The following RGS7BP variants were observed in gnomAD, a reference collection of about 807,000 sequenced individuals.
RGS7BP encodes regulator of G protein signaling 7-binding protein.
In RGS7BP, 9 loss-of-function variants were observed where a neutral mutation model predicts 31.3. That is an observed-to-expected ratio of 0.29 (90% CI 0.17 to 0.50). RGS7BP has a LOEUF of 0.50. RGS7BP is among the 20% of genes least tolerant of loss of function. The pLI is 0.98. For missense variants in RGS7BP, 274 were observed against 322.0 expected (o/e 0.85, Z 1.14); for synonymous variants, 115 against 120.1 (o/e 0.96, Z 0.28).
rs113048478 is a variant in RGS7BP at position 64,606,408 on chromosome 5, G to A, written c.683-2753G>A. Among the ~76,000 whole-genome samples, 914 of 152,050 alleles carry A rather than the reference G, an allele frequency of 6.0e-3. 8 individuals are homozygous for A. Among genetic ancestry groups the A allele is most frequent in the African/African-American group, 0.021 (861 of 41,492 alleles). Reference sequence around the variant, plus strand: ...ATTAGATGTCTTTGGGGAAAGGGAAGGAGATACCAGAATTTAGAAAATAGA... The same window carrying A: ...ATTAGATGTCTTTGGGGAAAGGGAAAGAGATACCAGAATTTAGAAAATAGA... On this transcript the variant is annotated intron_variant, in intron 5 of 5. Coordinates refer to ENST00000334025, the MANE Select transcript of RGS7BP (RefSeq NM_001029875.3).
At chr5:64,538,423 T>C (rs1410134324) in intron 2 of RGS7BP, among the ~76,000 whole-genome samples, 5 of 152,006 alleles carry the variant, frequency 3.3e-5, no homozygotes, top group African/African-American at 1.2e-4. Context: ...ATTTTGTCTT[T>C]GTTTTGCCTT....
At chr5:64,538,330 A>G (rs912933920) in intron 2 of RGS7BP, among the ~76,000 whole-genome samples, 1 of 151,946 alleles carries the variant, frequency 6.6e-6, no homozygotes, top group South Asian at 2.1e-4. Context: ...CCCCCAAAAC[A>G]TTCTCTCATG....
intron 2 of RGS7BP, among the ~76,000 whole-genome samples, chr5:64,541,223 G>A (rs190742177): frequency 7.9e-5 from 12 of 152,180 alleles, no homozygotes; most frequent in Non-Finnish European, 1.5e-5. Context: ...GAGGGGAGGG[G>A]GAGGTCCCAG....
At chr5:64,578,150 C>T (rs996642274) in intron 3 of RGS7BP, among the ~76,000 whole-genome samples, 1 of 152,236 alleles carries the variant, frequency 6.6e-6, no homozygotes, top group Admixed American at 6.5e-5. Context: ...AATGCAGTCA[C>T]CTCTTAACTG....
At chr5:64,596,342 C>G (rs1743067330) in intron 4 of RGS7BP, among the ~76,000 whole-genome samples, 1 of 152,144 alleles carries the variant, frequency 6.6e-6, no homozygotes, top group South Asian at 2.1e-4. Context: ...GGGTCTCAAA[C>G]TGGACTGCAC....
intron 3 of RGS7BP, among the ~76,000 whole-genome samples, chr5:64,583,360 G>A (rs1363330643): frequency 6.6e-6 from 1 of 152,126 alleles, no homozygotes; most frequent in African/African-American, 2.4e-5. Context: ...CTGCACTCCA[G>A]CCTGGGCGAC....
chr5:64,609,946 C>A lies in RGS7BP; in HGVS notation c.*694C>A, dbSNP rs1347076559. 2 of 152,362 alleles carry A rather than the reference C, an allele frequency of 1.3e-5. No individual in the cohort carries two copies. The highest frequency in any genetic ancestry group is 4.8e-5 in the African/African-American group (2 of 41,406). The allele number at this position is 152,362 out of a possible 1,614,324, so 9.4% of individuals were successfully genotyped here. ...ACAAATGCATATGGGCAACTAATTT[C>A]TTTTTGATCCAATGATGTCTTTTTC... On this transcript the variant is annotated 3_prime_UTR_variant, in exon 6 of 6. Coordinates refer to ENST00000334025, the MANE Select transcript of RGS7BP (RefSeq NM_001029875.3).
At position 64,609,861 on chromosome 5, in the gene RGS7BP, A is replaced by G. The variant is rs1291001452; in HGVS notation, c.*609A>G. Reference sequence around the variant, plus strand: ...AAGTATCTTAATTTATAAAGCAACAAAAACCACATATGAAAAGTACTAAAA... The same window carrying G: ...AAGTATCTTAATTTATAAAGCAACAGAAACCACATATGAAAAGTACTAAAA... On this transcript the variant is annotated 3_prime_UTR_variant, in exon 6 of 6. Coordinates refer to ENST00000334025, the MANE Select transcript of RGS7BP (RefSeq NM_001029875.3). 15 of 152,610 alleles carry G rather than the reference A, an allele frequency of 9.8e-5. No homozygotes were observed. The highest frequency in any genetic ancestry group is 2.2e-4 in the Non-Finnish European group (15 of 67,980). 9.5% of individuals were successfully genotyped at this position (152,610 alleles called of 1,614,324 possible).
At chr5:64,550,805 C>T (rs1741776326) in intron 2 of RGS7BP, among the ~76,000 whole-genome samples, 1 of 147,240 alleles carries the variant, frequency 6.8e-6, no homozygotes, top group Non-Finnish European at 1.5e-5. Context: ...TGTTCAATTC[C>T]CATCTATGAG....
chr5:64,558,908 T>C (rs1741987537), intron 2 of RGS7BP, among the ~76,000 whole-genome samples: 1 of 152,146 alleles, frequency 6.6e-6, no homozygotes, highest in Non-Finnish European at 1.5e-5. Flanking sequence ...CTTGCTAGGA[T>C]TAGGAAATTC....
intron 2 of RGS7BP, among the ~76,000 whole-genome samples, chr5:64,557,831 G>T (rs765000569): frequency 3.9e-5 from 6 of 152,122 alleles, no homozygotes; most frequent in Non-Finnish European, 7.4e-5. Context: ...GGGTGTTGCT[G>T]CCTTTTCTTT....
intron 3 of RGS7BP, among the ~76,000 whole-genome samples, chr5:64,580,356 T>A (rs995211703): frequency 1.3e-5 from 2 of 151,838 alleles, no homozygotes; most frequent in Admixed American, 6.6e-5. Flanking sequence ...AAATAAGAAA[T>A]GGGGAAGGAA....
At chr5:64,571,585 T>C (rs1742301879) in intron 2 of RGS7BP, among the ~76,000 whole-genome samples, 1 of 152,158 alleles carries the variant, frequency 6.6e-6, no homozygotes, top group Non-Finnish European at 1.5e-5. Context: ...ACATTGGGCA[T>C]TATGAGTCTT....
chr5:64,583,826 C>A (rs1157193748), intron 3 of RGS7BP, among the ~76,000 whole-genome samples: 4 of 152,226 alleles, frequency 2.6e-5, no homozygotes, highest in African/African-American at 7.2e-5. Flanking sequence ...ATCTCCATGT[C>A]TTCATATACC....
intron 2 of RGS7BP, among the ~76,000 whole-genome samples, chr5:64,559,773 G>A (rs116072928): frequency 1.5e-4 from 23 of 152,208 alleles, no homozygotes; most frequent in Non-Finnish European, 2.9e-4. Flanking sequence ...CCTTCCAATA[G>A]TTACATTTTA....
intron 3 of RGS7BP, among the ~76,000 whole-genome samples, chr5:64,583,012 T>C (rs1308744859): frequency 6.6e-6 from 1 of 152,152 alleles, no homozygotes; most frequent in Non-Finnish European, 1.5e-5. Context: ...AGTGGAAACA[T>C]GCATTCATTC....
intron 2 of RGS7BP, among the ~76,000 whole-genome samples, chr5:64,520,811 G>A (rs966494058): frequency 2.6e-5 from 4 of 152,202 alleles, no homozygotes; most frequent in Non-Finnish European, 5.9e-5. Context: ...GGGAATGGTA[G>A]GAAGTGCTGG....
intron 5 of RGS7BP, among the ~76,000 whole-genome samples, chr5:64,602,992 T>C (rs1327174683): frequency 2.0e-5 from 3 of 152,116 alleles, no homozygotes; most frequent in Non-Finnish European, 4.4e-5. Context: ...TAGGAGGGGA[T>C]TTTGATAACT....
intron 2 of RGS7BP, among the ~76,000 whole-genome samples, chr5:64,560,350 A>G (rs961878616): frequency 2.5e-4 from 38 of 152,064 alleles, no homozygotes; most frequent in Non-Finnish European, 1.5e-4. Context: ...AGAGCCCTGC[A>G]TTCTGTGGTT....
Sources: allele counts gnomAD v4.1 joint callset (sites outside exome capture counted in the v4.1 genomes callset), GRCh38; gene constraint gnomAD v4.1.1; transcripts MANE v1.5; gene names NCBI Gene and HGNC (gene_info 2026-07-23, HGNC 2026-07-21).